Variants in SLC5A10 observed in about 807,000 individuals in gnomAD.
SLC5A10 encodes solute carrier family 5 member 10, also known as sodium/mannose cotransporter SLC5A10.
In SLC5A10, 55 loss-of-function variants were observed where a neutral mutation model predicts 68.9. That is an observed-to-expected ratio of 0.80 (90% confidence interval 0.64 to 1.00). The LOEUF is 1.00. SLC5A10 is among the 50% of genes least tolerant of loss of function. The probability of loss-of-function intolerance (pLI) is 0.00; values close to 1 mark genes in which losing one functional copy is unlikely to be tolerated. For missense variants in SLC5A10, 732 were observed against 819.3 expected, an observed-to-expected ratio of 0.89 and a Z score of 1.30; for synonymous variants, 344 against 344.8, an observed-to-expected ratio of 1.00 and a Z score of 0.02.
intron 9 of SLC5A10, among the ~76,000 whole-genome samples, chr17:19,010,824 T>G (rs1177117379): frequency 3.9e-5 from 6 of 152,184 alleles, no homozygotes; most frequent in Non-Finnish European, 8.8e-5. Context: ...CGGCTCTGTC[T>G]TGGATCCGAC....
chr17:19,019,315 G>A, intron 11 of SLC5A10, 108 bp from the exon 12 acceptor site: 1 of 1,359,624 alleles, frequency 7.4e-7, no homozygotes. Context: ...GGCTGGAGCT[G>A]GGGTAGCAGG....
At chr17:19,013,263 T>C in intron 9 of SLC5A10, 147 bp from the exon 10 acceptor site, 1 of 1,330,676 alleles carries the variant, frequency 7.5e-7, no homozygotes, top group Non-Finnish European at 1.0e-6. Context: ...GCTCAGATTG[T>C]GAAACTGAGG....
chr17:19,017,484 C>A lies in SLC5A10; in HGVS notation c.1242-1939C>A. The A allele has an allele frequency of 8.0e-7, 1 of 1,242,952 alleles. No individual in the cohort carries two copies. The highest frequency in any genetic ancestry group is 1.3e-5 in the South Asian group (1 of 75,482). The allele number at this position is 1,242,952 out of a possible 1,614,324, so 77.0% of individuals were successfully genotyped here. ...ACAGCCCAGAGGCCTGGAGAGGAGGCCATCGCAGGGCCGGGTGCAGTACCA... is the reference window on the plus strand; with the variant it reads ...ACAGCCCAGAGGCCTGGAGAGGAGGACATCGCAGGGCCGGGTGCAGTACCA... On this transcript the variant is annotated intron_variant, in intron 11 of 14. Coordinates refer to ENST00000395645, the MANE Select transcript of SLC5A10 (RefSeq NM_001042450.4). The surrounding 1 kb of genome is among the most constrained non-coding windows in gnomAD (Gnocchi z 5.6).
chr17:18,978,932 C>T (rs2152010406), intron 9 of SLC5A10: 1 of 1,506,906 alleles, frequency 6.6e-7, no homozygotes, highest in Non-Finnish European at 9.0e-7. Flanking sequence ...AGCCGCTGGG[C>T]CTCAGACTGT....
chr17:18,985,705 C>T (rs2043252153), intron 9 of SLC5A10, among the ~76,000 whole-genome samples: 1 of 152,220 alleles, frequency 6.6e-6, no homozygotes, highest in East Asian at 1.9e-4. Flanking sequence ...GAAGCCAGGT[C>T]ACACTTTCCC....
chr17:18,982,083 C>T (rs1230281310), intron 9 of SLC5A10, among the ~76,000 whole-genome samples: 1 of 152,228 alleles, frequency 6.6e-6, no homozygotes, highest in Non-Finnish European at 1.5e-5. Flanking sequence ...CTGATGAGGG[C>T]TCGGAAAGTC....
In SLC5A10 at chr17:18,971,424, T is replaced by C; in HGVS notation, c.846+206T>C. The C allele has an allele frequency of 6.2e-7, 1 of 1,613,832 alleles. No individual in the cohort carries two copies. On this transcript the variant is annotated intron_variant, in intron 8 of 14. Transcript: ENST00000395645. The surrounding 1 kb of genome is among the most constrained non-coding windows in gnomAD (Gnocchi z 5.5). ...TTAGAATCCGATGAGGCCCACTGGC[T>C]ACCGCCCGTCCTGGCCTTTAGGTGC... is the stretch of plus-strand genomic sequence containing the variant.
intron 9 of SLC5A10, among the ~76,000 whole-genome samples, chr17:18,983,768 T>C (rs935754491): frequency 9.2e-5 from 14 of 152,132 alleles, no homozygotes; most frequent in Admixed American, 2.0e-4. Flanking sequence ...GTTGGGGTGG[T>C]GGGCCCTTTG....
Position 19,017,195 on chromosome 17 carries a change from C to T in SLC5A10, c.1241+1996C>T, listed in dbSNP as rs1597916463. On this transcript the variant is annotated intron_variant, in intron 11 of 14. Coordinates refer to ENST00000395645, the MANE Select transcript of SLC5A10 (RefSeq NM_001042450.4). The surrounding 1 kb of genome is among the most constrained non-coding windows in gnomAD (Gnocchi z 5.6). ...CAGGTTGCTCACCCTCTCTGGGCCC[C>T]AGTTCTCTCAGCTGCCAGCTGGATA... The T allele has an allele frequency of 8.2e-7, 1 of 1,220,156 alleles. No individual in the cohort carries two copies. Among genetic ancestry groups the T allele is most frequent in the East Asian group, 2.5e-5 (1 of 39,242 alleles). The allele number at this position is 1,220,156 out of a possible 1,614,324, so 75.6% of individuals were successfully genotyped here. A position where few individuals can be genotyped will look rare whatever the true frequency, so the allele number is the denominator to read the frequency against.
chr17:18,979,461 G>A (rs1025728934), intron 9 of SLC5A10: 14 of 1,507,150 alleles, frequency 9.3e-6, no homozygotes, highest in Admixed American at 5.9e-5. Context: ...CCAATGAACC[G>A]GAATAACCAG....
At chr17:19,012,669 G>T (rs923195930) in intron 9 of SLC5A10, among the ~76,000 whole-genome samples, 1 of 152,014 alleles carries the variant, frequency 6.6e-6, no homozygotes, top group Non-Finnish European at 1.5e-5. Context: ...AGGGACTTGT[G>T]GGGAGGGGCC....
intron 11 of SLC5A10, among the ~76,000 whole-genome samples, chr17:19,015,743 G>A (rs145813424): frequency 3.3e-5 from 5 of 152,258 alleles, no homozygotes; most frequent in Middle Eastern, 3.4e-3. Flanking sequence ...CCTCAACCAA[G>A]GAATGAGCCT....
At chr17:18,956,093 C>T (rs1330941458) in intron 1 of SLC5A10, among the ~76,000 whole-genome samples, 1 of 152,044 alleles carries the variant, frequency 6.6e-6, no homozygotes, top group Non-Finnish European at 1.5e-5. Flanking sequence ...ACTAGGGAGG[C>T]TGAGGCAGGA....
Position 18,968,327 on chromosome 17 carries a change from T to G in SLC5A10, c.454-725T>G, listed in dbSNP as rs1193916894. ...CAAGGTGAAGCCTGTTACTAGCCCA[T>G]GTCCCAGAGAACAGGGTCCTGCCCT... On this transcript the variant is annotated intron_variant, in intron 5 of 14. Coordinates refer to ENST00000395645, the MANE Select transcript of SLC5A10 (RefSeq NM_001042450.4). This position sits in a 1 kb window ranked among gnomAD's most constrained non-coding sequence, Gnocchi z 4.1. Among the ~76,000 whole-genome samples, 1 of 152,210 alleles carries G rather than the reference T, an allele frequency of 6.6e-6. No homozygotes were observed. Among genetic ancestry groups the G allele is most frequent in the Non-Finnish European group, 1.5e-5 (1 of 68,022 alleles).
At chr17:19,009,472 C>T (rs1208098424) in intron 9 of SLC5A10, among the ~76,000 whole-genome samples, 4 of 152,170 alleles carry the variant, frequency 2.6e-5, no homozygotes, top group East Asian at 3.8e-4. Context: ...CCTCCTGCCT[C>T]GGCCTCCCAA....
intron 4 of SLC5A10, 124 bp downstream of exon 4, chr17:18,959,787 A>G (rs1300720791): frequency 3.7e-6 from 3 of 817,034 alleles, no homozygotes; most frequent in Middle Eastern, 2.2e-4. Flanking sequence ...TGGGTTTGCT[A>G]TTAGCCCGAC....
Position 19,021,816 on chromosome 17 carries a change from C to G in SLC5A10, c.*1385C>G, listed in dbSNP as rs2044268689. Reference sequence around the variant, plus strand: ...GGCCATCCCAGTTTGTGCAGAGCGGCCGGAGGCAGTTAGGAGCCCACGTTC... The same window carrying G: ...GGCCATCCCAGTTTGTGCAGAGCGGGCGGAGGCAGTTAGGAGCCCACGTTC... On this transcript the variant is annotated 3_prime_UTR_variant, in exon 15 of 15. Transcript: ENST00000395645. This position sits in a 1 kb window ranked among gnomAD's most constrained non-coding sequence, Gnocchi z 4.1. 1 of 812,322 alleles carries G rather than the reference C, an allele frequency of 1.2e-6. No homozygotes were observed. Among genetic ancestry groups the G allele is most frequent in the Non-Finnish European group, 1.7e-6 (1 of 587,520 alleles). 50.3% of individuals were successfully genotyped at this position (812,322 alleles called of 1,614,324 possible). A position where few individuals can be genotyped will look rare whatever the true frequency, so the allele number is the denominator to read the frequency against.
intron 9 of SLC5A10, among the ~76,000 whole-genome samples, chr17:18,994,686 GT>G (rs2043520562): frequency 6.6e-6 from 1 of 152,138 alleles, no homozygotes; most frequent in African/African-American, 2.4e-5. Flanking sequence ...CCTGCAGGGG[GT>G]GTCCTCAGAA....
intron 9 of SLC5A10, among the ~76,000 whole-genome samples, chr17:18,981,452 G>A (rs150625479): frequency 6.6e-5 from 10 of 152,304 alleles, no homozygotes; most frequent in East Asian, 3.9e-4. Flanking sequence ...CAGCAAGAGC[G>A]ATGGGGTTGG....
Sources: allele counts gnomAD v4.1 joint callset (sites outside exome capture counted in the v4.1 genomes callset), GRCh38; gene constraint gnomAD v4.1.1; non-coding constraint Gnocchi (gnomAD v3.1); transcripts MANE v1.5; gene names NCBI Gene and HGNC (gene_info 2026-07-23, HGNC 2026-07-21).